Variants in TRPM4 observed in about 807,000 individuals in gnomAD.
TRPM4 encodes transient receptor potential cation channel subfamily M member 4.
Under a neutral mutation model 135.6 loss-of-function variants are expected in TRPM4, and 124 were observed. The ratio of observed to expected loss-of-function variants is 0.91; its 90% CI spans 0.79 to 1.06. The LOEUF is 1.06. Among genes scored for constraint, TRPM4 ranks in the 50% least tolerant of loss-of-function variants. The pLI is 0.00. For synonymous variants in TRPM4, 745 were observed against 705.6 expected, an observed-to-expected ratio of 1.06 and a Z score of -0.88; for missense variants, 1,658 against 1,671.4, an observed-to-expected ratio of 0.99 and a Z score of 0.14.
intron 9 of TRPM4, 75 bp from the exon 10 acceptor site, chr19:49,181,274 T>C (rs1967908597): frequency 2.6e-6 from 3 of 1,153,698 alleles, no homozygotes; most frequent in South Asian, 2.4e-5. Flanking sequence ...ACATGCAAAA[T>C]AGAGGCAAAA....
chr19:49,168,200 C>G (rs1314969308), intron 4 of TRPM4, 60 bp from the exon 5 acceptor site: 8 of 1,509,248 alleles, frequency 5.3e-6, no homozygotes, highest in East Asian at 2.3e-5. Context: ...GTGTGTGTGT[C>G]TCTGTCTTAT....
intron 9 of TRPM4, among the ~76,000 whole-genome samples, chr19:49,180,069 T>G (rs1319318605): frequency 6.6e-6 from 1 of 152,178 alleles, no homozygotes; most frequent in African/African-American, 2.4e-5. Context: ...AGCCTATTGC[T>G]CACCTCCACT....
intron 9 of TRPM4, among the ~76,000 whole-genome samples, chr19:49,175,800 T>C (rs1967666343): frequency 6.7e-6 from 1 of 150,310 alleles, no homozygotes; most frequent in South Asian, 2.1e-4. Flanking sequence ...AGTTGGGCTC[T>C]CTATTTTTAG....
chr19:49,163,358 G>T (rs997878435), intron 2 of TRPM4, among the ~76,000 whole-genome samples: 9 of 151,540 alleles, frequency 5.9e-5, no homozygotes, highest in Non-Finnish European at 1.5e-5. Context: ...ACCATGCCCG[G>T]CTAATTTTTG....
intron 2 of TRPM4, among the ~76,000 whole-genome samples, chr19:49,161,703 C>T (rs1195224993): frequency 1.3e-5 from 2 of 151,810 alleles, no homozygotes; most frequent in Non-Finnish European, 2.9e-5. Context: ...GATCTCGGCT[C>T]ACTTCAACCT....
At position 49,210,332 on chromosome 19, in the gene TRPM4, G is replaced by T; in HGVS notation, c.3255G>T (p.Leu1085Phe). 6.2e-7 allele frequency: 1 copy of T among 1,614,174 alleles called. No homozygotes were observed. Among genetic ancestry groups the T allele is most frequent in the South Asian group, 1.1e-5 (1 of 91,088 alleles). ...CGCCCTTTATCGTCATCTCCCACTT[G>T]CGCCTCCTGCTCAGGCAATTGTGCA... is the stretch of plus-strand genomic sequence containing the variant. ...LAPPFIVISHLRLLLRQLCRR... is the reference protein window; with the variant it reads ...LAPPFIVISHFRLLLRQLCRR... The change falls in exon 21 of 25, where the codon TTG becomes TTT. Residue 1085 changes from leucine (L) to phenylalanine (F), a missense_variant. Coordinates refer to ENST00000252826, the MANE Select transcript of TRPM4 (RefSeq NM_017636.4). This position sits in a 1 kb window ranked among gnomAD's most constrained non-coding sequence, Gnocchi z 4.1.
In TRPM4 at chr19:49,206,424, C is replaced by CT. The variant is rs1327286871; in HGVS notation, c.3132-3776dup. Among the ~76,000 whole-genome samples, 71 of 147,654 alleles carry CT rather than the reference C, an allele frequency of 4.8e-4. 4 individuals are homozygous for CT. The highest frequency in any genetic ancestry group is 9.0e-5 in the Non-Finnish European group (6 of 66,720). ...CTGTCAAAAAGGTTGTTGGAATTTTCTTTTTTTTTCCTTTTTTTTTTTTCT... is the reference window on the plus strand; with the variant it reads ...CTGTCAAAAAGGTTGTTGGAATTTTCTTTTTTTTTTCCTTTTTTTTTTTTCT... On this transcript the variant is annotated intron_variant, in intron 20 of 24. Coordinates refer to ENST00000252826, the MANE Select transcript of TRPM4 (RefSeq NM_017636.4).
In TRPM4 at chr19:49,210,732, C is replaced by T; in HGVS notation, c.3351C>T (p.Ala1117=). ...EHFRVYLSKE[A]ERKLLTWESV... The stretch of plus-strand genomic sequence containing the variant: ...CAGGGGTTTACCTTTCTAAGGAAGC[C>T]GAGCGGAAGCTGCTAACGTGGGAAT... Residue 1117 remains alanine (A), a synonymous_variant, in exon 22 of 25, where the codon GCC becomes GCT. Coordinates refer to ENST00000252826, the MANE Select transcript of TRPM4 (RefSeq NM_017636.4). This position sits in a 1 kb window ranked among gnomAD's most constrained non-coding sequence, Gnocchi z 4.1. The T allele has an allele frequency of 1.2e-6, 2 of 1,614,144 alleles. No homozygotes were observed. The highest frequency in any genetic ancestry group is 2.2e-5 in the East Asian group (1 of 44,884).
chr19:49,202,370 G>T (rs918349794), intron 20 of TRPM4, among the ~76,000 whole-genome samples: 1 of 151,998 alleles, frequency 6.6e-6, no homozygotes, highest in Non-Finnish European at 1.5e-5. Context: ...TTGAGACAGG[G>T]TCTCACTCTG....
At chr19:49,160,420 G>C (rs987131446) in intron 2 of TRPM4, among the ~76,000 whole-genome samples, 5 of 150,124 alleles carry the variant, frequency 3.3e-5, no homozygotes, top group Non-Finnish European at 7.4e-5. Context: ...GGAGACGGAG[G>C]CTACTATGAG....
chr19:49,190,565 G>A (rs1384479790), intron 15 of TRPM4, 131 bp from the exon 16 acceptor site: 2 of 977,342 alleles, frequency 2.0e-6, no homozygotes, highest in African/African-American at 3.2e-5. Context: ...GGTCCCTTTG[G>A]GATGACTTTA....
chr19:49,166,904 CTCTG>C (rs754137784), intron 3 of TRPM4, among the ~76,000 whole-genome samples: 6 of 149,792 alleles, frequency 4.0e-5, no homozygotes, highest in Non-Finnish European at 7.4e-5. Flanking sequence ...CTCTCTGGGT[CTCTG>C]TCTGTTTCTC....
At chr19:49,204,382 A>C (rs987334383) in intron 20 of TRPM4, among the ~76,000 whole-genome samples, 2 of 152,136 alleles carry the variant, frequency 1.3e-5, no homozygotes, top group African/African-American at 4.8e-5. Context: ...CCAGCAGTGT[A>C]TGAGGGTTTT....
intron 16 of TRPM4, among the ~76,000 whole-genome samples, chr19:49,194,269 C>T (rs1568482480): frequency 6.6e-6 from 1 of 152,036 alleles, no homozygotes. Flanking sequence ...CTTTCTTCTT[C>T]TTTGAGACAG....
Position 49,182,759 on chromosome 19 carries a change from A to C in TRPM4, c.1445A>C (p.His482Pro). 6.2e-7 allele frequency: 1 copy of C among 1,614,008 alleles called. No individual in the cohort carries two copies. Among genetic ancestry groups the C allele is most frequent in the Non-Finnish European group, 8.5e-7 (1 of 1,179,940 alleles). Reference protein sequence around the residue: ...LIRNLLDQASHSAGTKAPALK... With the variant: ...LIRNLLDQASPSAGTKAPALK... ...CGCAACCTTTTGGACCAGGCGTCCCACAGCGCAGGCACCAAAGCCCCAGCC... is the reference window on the plus strand; with the variant it reads ...CGCAACCTTTTGGACCAGGCGTCCCCCAGCGCAGGCACCAAAGCCCCAGCC... Residue 482 changes from histidine (H) to proline (P), a missense_variant, in exon 11 of 25, where the codon CAC (histidine) becomes CCC (proline). By Grantham distance (77) the His-to-Pro change is moderately conservative. Coordinates refer to ENST00000252826, the MANE Select transcript of TRPM4 (RefSeq NM_017636.4).
Position 49,210,255 on chromosome 19 carries a change from G to T in TRPM4, c.3178G>T (p.Ala1060Ser). The T allele has an allele frequency of 6.2e-7, 1 of 1,614,228 alleles. No individual in the cohort carries two copies. The highest frequency in any genetic ancestry group is 8.5e-7 in the Non-Finnish European group (1 of 1,180,044). The change falls in exon 21 of 25, where the codon GCG becomes TCG. Residue 1060 changes from alanine (A) to serine (S), a missense_variant. By Grantham distance (99) the Ala-to-Ser change is moderately conservative. This residue lies in a region of TRPM4 where 1,412 missense variants were observed against 1,408.7 expected (regional missense o/e 1.00). Transcript: ENST00000252826. The surrounding 1 kb of genome is among the most constrained non-coding windows in gnomAD (Gnocchi z 4.1). ...VQGNSDLYWKAQRYRLIREFH... is the reference protein window; with the variant it reads ...VQGNSDLYWKSQRYRLIREFH... The stretch of plus-strand genomic sequence containing the variant: ...GGGCAACAGCGATCTCTACTGGAAG[G>T]CGCAGCGTTACCGCCTCATCCGGGA...
At chr19:49,164,631 C>A (rs1445512502) in intron 2 of TRPM4, among the ~76,000 whole-genome samples, 1 of 151,894 alleles carries the variant, frequency 6.6e-6, no homozygotes, top group African/African-American at 2.4e-5. Flanking sequence ...ATCCACCCGC[C>A]TCAGCCTCCC....
In TRPM4 at chr19:49,196,565, C is replaced by T. The variant is rs968839950; in HGVS notation, c.2336C>T (p.Pro779Leu). 3 of 1,554,938 alleles carry T rather than the reference C, an allele frequency of 1.9e-6. No homozygotes were observed. Among genetic ancestry groups the T allele is most frequent in the South Asian group, 1.2e-5 (1 of 84,804 alleles). Residue 779 changes from proline (P) to leucine (L), a missense_variant, in exon 17 of 25, where the codon CCG becomes CTG. Coordinates refer to ENST00000252826, the MANE Select transcript of TRPM4 (RefSeq NM_017636.4). ...LRRWFHFWGA[P>L]VTIFMGNVVS... ...CGCTGGTTCCACTTCTGGGGCGCGC[C>T]GGTGACCATCTTCATGGGCAACGTG...
At chr19:49,197,656 G>T (rs1310945732) in intron 17 of TRPM4, among the ~76,000 whole-genome samples, 4 of 115,270 alleles carry the variant, frequency 3.5e-5, no homozygotes, top group African/African-American at 7.9e-5. Context: ...CTGGTTTTTT[G>T]TTTGTTTGTT....
Sources: allele counts gnomAD v4.1 joint callset (sites outside exome capture counted in the v4.1 genomes callset), GRCh38; gene constraint gnomAD v4.1.1; regional missense constraint gnomAD v4.1.1; non-coding constraint Gnocchi (gnomAD v3.1); transcripts MANE v1.5; gene names NCBI Gene and HGNC (gene_info 2026-07-23, HGNC 2026-07-21).